Variants in CENPU observed in about 807,000 individuals in gnomAD.
CENPU encodes the protein centromere protein U, also known as KSHV latent nuclear antigen interacting protein 1.
Under a neutral mutation model 56.7 loss-of-function variants are expected in CENPU, and 46 were observed. That is an observed-to-expected ratio of 0.81 (90% CI 0.64 to 1.04). CENPU has a LOEUF of 1.04. CENPU is among the 50% of genes least tolerant of loss of function. The probability of loss-of-function intolerance (pLI) is 0.00; values close to 1 mark genes in which losing one functional copy is unlikely to be tolerated. For synonymous variants in CENPU, 166 were observed against 163.0 expected, an observed-to-expected ratio of 1.02 and a Z score of -0.14; for missense variants, 510 against 490.1, an observed-to-expected ratio of 1.04 and a Z score of -0.38.
In CENPU at chr4:184,709,661, A is replaced by ATAT. The variant is rs773885067; in HGVS notation, c.797+408_797+410dup. 1.8e-4 allele frequency among the ~76,000 whole-genome samples: 27 copies of ATAT among 152,310 alleles called. No homozygotes were observed. The East Asian group carries it at 3.5e-3, about 20-fold the overall frequency. ...ATGATTTTCCTAATAGTCTCTAAATATATACAGCACAAATGAATAGAAGTA... is the reference window on the plus strand; with the variant it reads ...ATGATTTTCCTAATAGTCTCTAAATATATTATACAGCACAAATGAATAGAAGTA... On this transcript the variant is annotated intron_variant, in intron 8 of 12. Coordinates refer to ENST00000281453, the MANE Select transcript of CENPU (RefSeq NM_024629.4).
At chr4:184,700,729 C>G in intron 11 of CENPU, 91 bp downstream of exon 11, 1 of 1,122,024 alleles carries the variant, frequency 8.9e-7, no homozygotes, top group Non-Finnish European at 1.4e-6. Flanking sequence ...GGCTTTAATA[C>G]ATCACAGCAG....
In CENPU at chr4:184,710,189, T is replaced by C; in HGVS notation, c.689-9A>G. The C allele has an allele frequency of 6.4e-7, 1 of 1,551,880 alleles. No individual in the cohort carries two copies. The highest frequency in any genetic ancestry group is 8.9e-7 in the Non-Finnish European group (1 of 1,129,324). On this transcript the variant is annotated splice_polypyrimidine_tract_variant and intron_variant, in intron 7 of 12. Transcript: ENST00000281453. ...CACAATGTCAGAAGTATCTAAAATATTAAGATAAGTTAACATGCTGGTTAT... is the reference window on the plus strand; with the variant it reads ...CACAATGTCAGAAGTATCTAAAATACTAAGATAAGTTAACATGCTGGTTAT...
intron 4 of CENPU, among the ~76,000 whole-genome samples, chr4:184,719,575 G>A (rs1187284638): frequency 6.6e-6 from 1 of 152,168 alleles, no homozygotes; most frequent in Non-Finnish European, 1.5e-5. Flanking sequence ...GGCAGTCTAG[G>A]CCACAAGGAT....
At chr4:184,733,879 G>A (rs1186987307) in intron 1 of CENPU, 137 bp downstream of exon 1, 94 of 1,163,500 alleles carry the variant, frequency 8.1e-5, no homozygotes, top group Non-Finnish European at 1.1e-4. Flanking sequence ...GAGGAAGCCG[G>A]GGACCCGGGC....
At chr4:184,699,057 G>A (rs967227884) in intron 11 of CENPU, among the ~76,000 whole-genome samples, 2 of 152,084 alleles carry the variant, frequency 1.3e-5, no homozygotes, top group Non-Finnish European at 2.9e-5. Context: ...GCTGGGCGCG[G>A]TGGCTCACAC....
At chr4:184,732,612 C>T (rs1761687348) in intron 1 of CENPU, among the ~76,000 whole-genome samples, 1 of 80,740 alleles carries the variant, frequency 1.2e-5, no homozygotes, top group Admixed American at 1.0e-4. Flanking sequence ...CTGTCTTGTC[C>T]TTTCTTGGGG....
At chr4:184,722,272 C>G (rs1480697191) in intron 4 of CENPU, among the ~76,000 whole-genome samples, 4 of 151,882 alleles carry the variant, frequency 2.6e-5, no homozygotes, top group African/African-American at 7.3e-5. Context: ...GCTATAAGCG[C>G]CTACATCAAA....
At chr4:184,723,785 G>A (rs1014525166) in intron 4 of CENPU, among the ~76,000 whole-genome samples, 2 of 136,436 alleles carry the variant, frequency 1.5e-5, no homozygotes, top group Non-Finnish European at 3.0e-5. Flanking sequence ...GGAGGTTACA[G>A]TGAGCCAAGA....
chr4:184,716,287 A>T, intron 6 of CENPU, 110 bp downstream of exon 6: 1 of 735,802 alleles, frequency 1.4e-6, no homozygotes, highest in Non-Finnish European at 2.2e-6. Context: ...AGGAAAATAT[A>T]AAATTTATCT....
rs750204608 is a variant in CENPU, at chr4:184,733,999, G to A, written c.47+17C>T. Reference sequence around the variant, plus strand: ...CTGGTCTCCGGCCCCGCGCTCCCGAGGGTCGGCAGTACTTACCCCTCAGAC... The same window carrying A: ...CTGGTCTCCGGCCCCGCGCTCCCGAAGGTCGGCAGTACTTACCCCTCAGAC... On this transcript the variant is annotated intron_variant, in intron 1 of 12. Coordinates refer to ENST00000281453, the MANE Select transcript of CENPU (RefSeq NM_024629.4). 3 of 1,610,202 alleles carry A rather than the reference G, an allele frequency of 1.9e-6. No individual in the cohort carries two copies. The Admixed American group carries it at 5.0e-5, about 27-fold the overall frequency.
chr4:184,704,583 A>ACC (rs34026446), intron 8 of CENPU, among the ~76,000 whole-genome samples: 25,960 of 152,066 alleles, frequency 0.17, 2,420 homozygotes, highest in African/African-American at 0.24. Context: ...GAATGTGTAT[A>ACC]CATGACTGAA....
At position 184,695,417 on chromosome 4, in the gene CENPU, T is replaced by G; in HGVS notation, c.1144-16A>C. The G allele has an allele frequency of 1.3e-6, 2 of 1,561,700 alleles. No homozygotes were observed. The highest frequency in any genetic ancestry group is 2.7e-5 in the African/African-American group (2 of 73,996). On this transcript the variant is annotated splice_polypyrimidine_tract_variant and intron_variant, in intron 12 of 12. Coordinates refer to ENST00000281453, the MANE Select transcript of CENPU (RefSeq NM_024629.4). The stretch of plus-strand genomic sequence containing the variant: ...ATGAATCATACTGTTGAAAGAAAAT[T>G]ATATAATTAGCAATATCAAAAACTC...
rs1364025829 is a variant in CENPU at position 184,695,239 on chromosome 4, C to T, written c.*49G>A. On this transcript the variant is annotated 3_prime_UTR_variant, in exon 13 of 13. Transcript: ENST00000281453. ...ATAAAGGTACAGTTTCAGAAGGTAA[C>T]AGCATGAGACTAGTCTTCCTATAGG... 8.4e-7 allele frequency: 1 copy of T among 1,192,100 alleles called. No individual in the cohort carries two copies. The highest frequency in any genetic ancestry group is 1.3e-6 in the Non-Finnish European group (1 of 798,710). 73.8% of individuals were successfully genotyped at this position (1,192,100 alleles called of 1,614,324 possible). A position where few individuals can be genotyped will look rare whatever the true frequency, so the allele number is the denominator to read the frequency against.
chr4:184,724,739 T>C (rs1761398111), intron 4 of CENPU, among the ~76,000 whole-genome samples: 1 of 152,262 alleles, frequency 6.6e-6, no homozygotes, highest in Non-Finnish European at 1.5e-5. Flanking sequence ...GCATGATTTC[T>C]AGGATAATCA....
At chr4:184,713,088 C>A in intron 6 of CENPU, 75 bp from the exon 7 acceptor site, 1 of 953,004 alleles carries the variant, frequency 1.0e-6, no homozygotes, top group Non-Finnish European at 1.6e-6. Context: ...AGACTGTCAC[C>A]AAACTGTCAT....
intron 6 of CENPU, among the ~76,000 whole-genome samples, chr4:184,715,615 G>C (rs1761065122): frequency 6.6e-6 from 1 of 151,928 alleles, no homozygotes; most frequent in South Asian, 2.1e-4. Context: ...GCCCGCCTAA[G>C]ACCCAGAATT....
At chr4:184,699,356 A>AAATAAATAAATAAAAT (rs60530775) in intron 11 of CENPU, among the ~76,000 whole-genome samples, 227 of 151,818 alleles carry the variant, frequency 1.5e-3, no homozygotes, top group African/African-American at 5.0e-3. Context: ...ATAAATAAAT[A>AAATAAATAAATAAAAT]AAATAAACTT....
At chr4:184,700,293 A>G (rs1233705538) in intron 11 of CENPU, among the ~76,000 whole-genome samples, 2 of 146,336 alleles carry the variant, frequency 1.4e-5, no homozygotes, top group East Asian at 3.8e-4. Context: ...CCCTTCGACA[A>G]TAACATAAAC....
chr4:184,730,881 T>A, intron 2 of CENPU, 39 bp downstream of exon 2: 1 of 1,526,132 alleles, frequency 6.6e-7, no homozygotes, highest in Non-Finnish European at 8.8e-7. Context: ...TTTTGTACTG[T>A]CAATTTTGAG....
Sources: gnomAD v4.1 joint callset for allele counts (sites outside exome capture counted in the v4.1 genomes callset) on GRCh38, gnomAD v4.1.1 for gene constraint, MANE v1.5 for transcripts, NCBI Gene and HGNC (gene_info 2026-07-23, HGNC 2026-07-21) for gene names.